The following CERT1 variants were observed in gnomAD, a reference collection of about 807,000 sequenced individuals.
CERT1 encodes the protein ceramide transfer protein.
CERT1 carries 31 observed loss-of-function variants against 87.9 expected under a neutral mutation model. That is an observed-to-expected ratio of 0.35 (90% CI 0.27 to 0.48). The LOEUF (loss-of-function observed/expected upper bound fraction) is 0.48, where lower values mean the gene tolerates loss of function less well. Among genes scored for constraint, CERT1 ranks in the 20% least tolerant of loss-of-function variants. The pLI is 0.99. For missense variants in CERT1, 487 were observed against 758.0 expected, an observed-to-expected ratio of 0.64 and a Z score of 4.20; for synonymous variants, 289 against 250.9, an observed-to-expected ratio of 1.15 and a Z score of -1.44.
At chr5:75,481,137 T>A (rs1002010037) in intron 2 of CERT1, among the ~76,000 whole-genome samples, 8 of 152,202 alleles carry the variant, frequency 5.3e-5, no homozygotes, top group African/African-American at 1.9e-4. Flanking sequence ...ACTACCACTT[T>A]GCTTTCCCCG....
intron 14 of CERT1, among the ~76,000 whole-genome samples, chr5:75,383,865 T>C (rs1342892712): frequency 6.6e-6 from 1 of 152,168 alleles, no homozygotes; most frequent in Non-Finnish European, 1.5e-5. Context: ...TATTGGGCAG[T>C]TTTCAGAAGA....
At chr5:75,511,764 G>A, upstream of CERT1, 2 of 1,551,316 alleles carry the variant, frequency 1.3e-6, no homozygotes, top group Non-Finnish European at 1.7e-6. Context: ...CCTACCTCCG[G>A]CTCTCCCGGG....
intron 2 of CERT1, among the ~76,000 whole-genome samples, chr5:75,473,190 C>T (rs906410757): frequency 2.0e-5 from 3 of 152,148 alleles, no homozygotes; most frequent in South Asian, 4.1e-4. Context: ...AAGTGATCCT[C>T]CTGCCCCACC....
intron 3 of CERT1, among the ~76,000 whole-genome samples, chr5:75,428,091 T>C (rs746916498): frequency 1.3e-5 from 2 of 152,188 alleles, no homozygotes; most frequent in African/African-American, 4.8e-5. Flanking sequence ...TATATAGCTA[T>C]TGGTTTACCC....
In CERT1 at chr5:75,389,662, A is replaced by G; in HGVS notation, c.1214T>C (p.Met405Thr). ...SQVEEMVQNH[M>T]TYSLQDVGGD... ...GCCTACATCCTGTAATGAGTAAGTC[A>G]TGTGGTTCTGCACCATCTCTTCAAC... The change falls in exon 12 of 17, where the codon ATG becomes ACG. Residue 405 changes from methionine to threonine, a missense_variant. Transcript: ENST00000643780. The G allele has an allele frequency of 6.2e-7, 1 of 1,614,076 alleles. No homozygotes were observed. The highest frequency in any genetic ancestry group is 8.5e-7 in the Non-Finnish European group (1 of 1,179,956).
At chr5:75,413,983 A>C (rs1248558826) in intron 7 of CERT1, among the ~76,000 whole-genome samples, 2 of 152,208 alleles carry the variant, frequency 1.3e-5, no homozygotes, top group Non-Finnish European at 2.9e-5. Context: ...AAAAAATCTA[A>C]ATGTCCACCA....
In CERT1 at chr5:75,425,370, T is replaced by G; in HGVS notation, c.586A>C (p.Arg196=). The G allele has an allele frequency of 6.2e-7, 1 of 1,613,416 alleles. No individual in the cohort carries two copies. Among genetic ancestry groups the G allele is most frequent in the Non-Finnish European group, 8.5e-7 (1 of 1,179,702 alleles). Residue 196 remains arginine (R), a synonymous_variant, in exon 5 of 17, where the codon AGG becomes CGG. Coordinates refer to ENST00000643780, the MANE Select transcript of CERT1 (RefSeq NM_001379029.1). ...ADAVSKDELQ[R]DKVVEDDEDD... ...TAATAGCCTAATTAACCTTTATCCC[T>G]TTGAAGTTCATCCTTAGAGACAGCA... is the stretch of plus-strand genomic sequence containing the variant.
At chr5:75,435,622 T>C (rs763767826) in intron 3 of CERT1, among the ~76,000 whole-genome samples, 3 of 152,184 alleles carry the variant, frequency 2.0e-5, no homozygotes, top group Non-Finnish European at 2.9e-5. Context: ...TTTGAGGCTC[T>C]TAAGGAATTG....
At chr5:75,394,233 G>T (rs1762156356) in intron 11 of CERT1, among the ~76,000 whole-genome samples, 1 of 152,064 alleles carries the variant, frequency 6.6e-6, no homozygotes, top group Admixed American at 6.6e-5. Context: ...TTAAAACTTG[G>T]CTGAGGCCTG....
chr5:75,487,621 CTA>C (rs1167787614), intron 2 of CERT1, among the ~76,000 whole-genome samples: 3 of 151,808 alleles, frequency 2.0e-5, no homozygotes, highest in Non-Finnish European at 4.4e-5. Flanking sequence ...TGAGAGAAGT[CTA>C]TAAGAAGAAA....
intron 1 of CERT1, among the ~76,000 whole-genome samples, chr5:75,508,342 G>C (rs1767755237): frequency 6.6e-6 from 1 of 152,194 alleles, no homozygotes; most frequent in Admixed American, 6.5e-5. Context: ...ATCTGAGGAA[G>C]AGTTATACAT....
chr5:75,504,950 C>T (rs932458087), intron 2 of CERT1, among the ~76,000 whole-genome samples: 8 of 152,050 alleles, frequency 5.3e-5, no homozygotes, highest in African/African-American at 1.2e-4. Context: ...CTAATGACTA[C>T]GAGTGCAAAA....
At chr5:75,431,696 T>C (rs143820344) in intron 3 of CERT1, among the ~76,000 whole-genome samples, 1 of 152,246 alleles carries the variant, frequency 6.6e-6, no homozygotes, top group South Asian at 2.1e-4. Flanking sequence ...ATTAGTTTAC[T>C]AAGGATAATG....
chr5:75,412,119 G>C (rs970773508), intron 7 of CERT1, among the ~76,000 whole-genome samples: 4 of 152,294 alleles, frequency 2.6e-5, no homozygotes, highest in East Asian at 3.9e-4. Flanking sequence ...CAGTATGTTT[G>C]TAAATAATCT....
At chr5:75,484,300 A>T (rs1252890668) in intron 2 of CERT1, among the ~76,000 whole-genome samples, 1 of 151,752 alleles carries the variant, frequency 6.6e-6, no homozygotes, top group Non-Finnish European at 1.5e-5. Context: ...GCACACGAAC[A>T]TAAAAAGAAA....
chr5:75,400,409 CTTA>C (rs1762422308), intron 9 of CERT1, 112 bp from the exon 10 acceptor site: 12 of 662,130 alleles, frequency 1.8e-5, no homozygotes, highest in Admixed American at 2.9e-5. Context: ...CGCCTTAGTG[CTTA>C]TAACCATTAG....
At chr5:75,385,346 G>A (rs770419952) in intron 13 of CERT1, among the ~76,000 whole-genome samples, 33 of 152,096 alleles carry the variant, frequency 2.2e-4, no homozygotes, top group Non-Finnish European at 3.5e-4. Flanking sequence ...GATGGTGTGC[G>A]CCTGTAATCC....
intron 3 of CERT1, among the ~76,000 whole-genome samples, chr5:75,436,082 G>A (rs1157489160): frequency 1.3e-5 from 2 of 152,194 alleles, no homozygotes; most frequent in Non-Finnish European, 1.5e-5. Flanking sequence ...ACACAGGCTG[G>A]AGTGCAGCGG....
chr5:75,451,485 A>C (rs1764767421), intron 3 of CERT1, among the ~76,000 whole-genome samples: 1 of 152,212 alleles, frequency 6.6e-6, no homozygotes. Context: ...AAATAGGTAA[A>C]TGGAGACTTG....
Sources: gnomAD v4.1 joint callset for allele counts (sites outside exome capture counted in the v4.1 genomes callset) on GRCh38, gnomAD v4.1.1 for gene constraint, MANE v1.5 for transcripts, NCBI Gene and HGNC (gene_info 2026-07-23, HGNC 2026-07-21) for gene names.